SUMF1: variants seen among roughly 807,000 people sequenced by gnomAD.
SUMF1 encodes the protein formylglycine-generating enzyme.
In SUMF1, 48 loss-of-function variants were observed where a neutral mutation model predicts 47.6. That is an observed-to-expected ratio of 1.01 (90% CI 0.80 to 1.28). SUMF1 has a LOEUF of 1.28. Ranked by LOEUF, SUMF1 falls within the 50% of genes most tolerant of loss-of-function variation. The pLI is 0.00. For missense variants in SUMF1, 571 were observed against 485.4 expected, an observed-to-expected ratio of 1.18 and a Z score of -1.66; for synonymous variants, 230 against 192.1, an observed-to-expected ratio of 1.20 and a Z score of -1.63.
At chr3:4,161,092 T>C (rs1277867007) in intron 8 of SUMF1, among the ~76,000 whole-genome samples, 4 of 152,162 alleles carry the variant, frequency 2.6e-5, no homozygotes, top group Non-Finnish European at 5.9e-5. Flanking sequence ...GATACCACCT[T>C]GATGGTCTTA....
chr3:4,157,769 G>C (rs73809334), intron 8 of SUMF1, among the ~76,000 whole-genome samples: 2,590 of 151,518 alleles, frequency 0.017, 196 homozygotes, highest in African/African-American at 0.061. Flanking sequence ...AGACAGACAG[G>C]CATCTATTAG....
intron 4 of SUMF1, 45 bp from the exon 5 acceptor site, chr3:4,418,177 C>G (rs765989894): frequency 4.3e-5 from 70 of 1,612,966 alleles, no homozygotes; most frequent in Middle Eastern, 1.7e-4. Context: ...CCAATCAGAA[C>G]AAGAAGCAGG....
rs374570654 is a variant in SUMF1 at position 4,387,717 on chromosome 3, G to A, written c.955-11328C>T. Among the ~76,000 whole-genome samples, 23 of 151,980 alleles carry A rather than the reference G, an allele frequency of 1.5e-4. 1 individual carries two copies. Among genetic ancestry groups the A allele is most frequent in the African/African-American group, 5.5e-4 (23 of 41,508 alleles). The stretch of plus-strand genomic sequence containing the variant: ...TTTTCTAATGCACACATGCAGTTCT[G>A]CAAATTTCCCTCTTAGCACTGTTTT... On this transcript the variant is annotated intron_variant, in intron 7 of 8. Transcript: ENST00000272902.
intron 8 of SUMF1, among the ~76,000 whole-genome samples, chr3:4,306,240 G>T (rs1184675742): frequency 6.6e-6 from 1 of 151,946 alleles, no homozygotes; most frequent in African/African-American, 2.4e-5. Context: ...AAAACTATGT[G>T]CCCGACGTAT....
chr3:4,221,052 A>G (rs1327498577), intron 8 of SUMF1, among the ~76,000 whole-genome samples: 4 of 152,146 alleles, frequency 2.6e-5, no homozygotes, highest in Non-Finnish European at 5.9e-5. Flanking sequence ...GCAACTAGGT[A>G]AGGGAGAGAC....
chr3:4,343,584 C>A (rs1206334721), intron 8 of SUMF1, among the ~76,000 whole-genome samples: 2 of 152,152 alleles, frequency 1.3e-5, no homozygotes, highest in Non-Finnish European at 2.9e-5. Context: ...ATTCCTCTCC[C>A]CTGACAACTA....
intron 8 of SUMF1, among the ~76,000 whole-genome samples, chr3:4,130,997 G>C (rs1006465736): frequency 4.6e-5 from 7 of 152,158 alleles, no homozygotes; most frequent in African/African-American, 1.7e-4. Context: ...AATCACTGCA[G>C]AGCCCTGTAG....
At chr3:4,431,193 G>A (rs1702221466) in intron 3 of SUMF1, among the ~76,000 whole-genome samples, 1 of 152,148 alleles carries the variant, frequency 6.6e-6, no homozygotes, top group Non-Finnish European at 1.5e-5. Flanking sequence ...ACCTCCAAGT[G>A]GAAGACAGTT....
At position 4,447,021 on chromosome 3, in the gene SUMF1, G is replaced by T. The variant is rs185668112; in HGVS notation, c.519+2245C>A. ...TACTGGCTACTTTAGGGACAGAGAG[G>T]GGTGATGATTAGGATGTGGCACCTG... On this transcript the variant is annotated intron_variant, in intron 3 of 8. Transcript: ENST00000272902. Among the ~76,000 whole-genome samples the T allele has an allele frequency of 4.0e-3, 603 of 152,196 alleles. 3 individuals are homozygous for T. The highest frequency in any genetic ancestry group is 0.013 in the African/African-American group (554 of 41,522).
chr3:4,423,724 T>C (rs1339534105), intron 3 of SUMF1, among the ~76,000 whole-genome samples: 2 of 152,188 alleles, frequency 1.3e-5, no homozygotes, highest in African/African-American at 4.8e-5. Flanking sequence ...ATCCCCAATA[T>C]TGGAGGTGGC....
At chr3:4,037,301 C>T (rs981578940) in intron 9 of SUMF1, among the ~76,000 whole-genome samples, 1 of 152,152 alleles carries the variant, frequency 6.6e-6, no homozygotes, top group Admixed American at 6.5e-5. Context: ...ACATCACCGC[C>T]TCCTTCCTTC....
At chr3:4,193,455 G>T (rs562737262) in intron 8 of SUMF1, among the ~76,000 whole-genome samples, 2 of 152,086 alleles carry the variant, frequency 1.3e-5, no homozygotes, top group Non-Finnish European at 2.9e-5. Context: ...CAGGTGGACT[G>T]GGGACACCCG....
chr3:4,424,480 A>C (rs1702003913), intron 3 of SUMF1, among the ~76,000 whole-genome samples: 1 of 152,318 alleles, frequency 6.6e-6, no homozygotes, highest in Non-Finnish European at 1.5e-5. Flanking sequence ...CACCACGACA[A>C]CACTATCCTT....
chr3:4,221,213 A>G (rs1418064212), intron 8 of SUMF1, among the ~76,000 whole-genome samples: 2 of 152,150 alleles, frequency 1.3e-5, no homozygotes, highest in Non-Finnish European at 2.9e-5. Flanking sequence ...TGCTGATGCC[A>G]TAGACACATA....
At chr3:4,432,820 A>G (rs1284575237) in intron 3 of SUMF1, among the ~76,000 whole-genome samples, 1 of 152,160 alleles carries the variant, frequency 6.6e-6, no homozygotes, top group Non-Finnish European at 1.5e-5. Flanking sequence ...TGTTGTATCT[A>G]TGGCACTTAA....
intron 8 of SUMF1, among the ~76,000 whole-genome samples, chr3:4,285,735 G>A (rs1022404012): frequency 2.0e-5 from 3 of 152,070 alleles, no homozygotes; most frequent in African/African-American, 7.2e-5. Flanking sequence ...TAAGTGATCA[G>A]TACTGTATGA....
intron 9 of SUMF1, among the ~76,000 whole-genome samples, chr3:4,062,047 C>T (rs1418083172): frequency 6.6e-6 from 1 of 152,036 alleles, no homozygotes; most frequent in Non-Finnish European, 1.5e-5. Flanking sequence ...CCTCTCTCTC[C>T]TACACCTCAG....
chr3:4,369,891 C>T (rs1326430648), intron 8 of SUMF1, among the ~76,000 whole-genome samples: 2 of 152,168 alleles, frequency 1.3e-5, no homozygotes, highest in East Asian at 1.9e-4. Flanking sequence ...CTGATCATAT[C>T]AGGGCATGGT....
intron 1 of SUMF1, among the ~76,000 whole-genome samples, chr3:4,462,992 A>G (rs145309278): frequency 0.011 from 1,660 of 152,354 alleles, 30 homozygotes; most frequent in African/African-American, 0.034. Flanking sequence ...CAGCAAAAGA[A>G]TACTTTACAA....
Sources: allele counts gnomAD v4.1 joint callset (sites outside exome capture counted in the v4.1 genomes callset), GRCh38; gene constraint gnomAD v4.1.1; transcripts MANE v1.5; gene names NCBI Gene and HGNC (gene_info 2026-07-23, HGNC 2026-07-21).